Variants in DNAJC6 observed in about 807,000 individuals in gnomAD.
DNAJC6 encodes the protein DnaJ heat shock protein family (Hsp40) member C6.
In DNAJC6, 34 loss-of-function variants were observed where a neutral mutation model predicts 110.0. The ratio of observed to expected loss-of-function variants is 0.31; its 90% confidence interval spans 0.24 to 0.41. The LOEUF (loss-of-function observed/expected upper bound fraction) is 0.41, where lower values mean the gene tolerates loss of function less well. Among genes scored for constraint, DNAJC6 ranks in the 10% least tolerant of loss-of-function variants. The pLI, the probability that DNAJC6 is intolerant of heterozygous loss-of-function variation, is 1.00. For synonymous variants in DNAJC6, 406 were observed against 437.2 expected, an observed-to-expected ratio of 0.93 and a Z score of 0.89; for missense variants, 1,031 against 1,207.8, an observed-to-expected ratio of 0.85 and a Z score of 2.17.
rs1322723176 is a variant in DNAJC6, at chr1:65,405,799, A to T, written c.2228-71A>T. The T allele has an allele frequency of 6.0e-6, 9 of 1,502,864 alleles. No homozygotes were observed. In the African/African-American group the frequency reaches 1.3e-4, roughly 21 times the overall value. The allele number at this position is 1,502,864 out of a possible 1,614,324, so 93.1% of individuals were successfully genotyped here. ...AATGACTATTAAAGCCACTGCAAAC[A>T]GTGTCTTAAGACACAAGAGTTAGAG... On this transcript the variant is annotated intron_variant, in intron 15 of 18. Coordinates refer to ENST00000371069, the MANE Select transcript of DNAJC6 (RefSeq NM_001256864.2).
intron 2 of DNAJC6, 50 bp downstream of exon 2, chr1:65,364,835 G>A (rs1376851738): frequency 1.2e-6 from 2 of 1,600,418 alleles, no homozygotes; most frequent in Non-Finnish European, 1.7e-6. Flanking sequence ...GCTCTCAAAG[G>A]ATCTGGTTAC....
chr1:65,364,903 T>C (rs1006081522), intron 2 of DNAJC6, 118 bp downstream of exon 2: 21 of 1,342,280 alleles, frequency 1.6e-5, no homozygotes, highest in Non-Finnish European at 1.9e-5. Flanking sequence ...TTTTATGGGA[T>C]CTGATGAACT....
At chr1:65,357,336 T>A (rs536131784) in intron 1 of DNAJC6, among the ~76,000 whole-genome samples, 1 of 152,334 alleles carries the variant, frequency 6.6e-6, no homozygotes, top group East Asian at 1.9e-4. Context: ...CACTATGGGA[T>A]ACTAACTCAC....
intron 4 of DNAJC6, among the ~76,000 whole-genome samples, chr1:65,370,876 A>C (rs1645698872): frequency 6.6e-6 from 1 of 152,212 alleles, no homozygotes; most frequent in Admixed American, 6.5e-5. Flanking sequence ...AGGTCGCTAC[A>C]GCTCCCAGTT....
Position 65,389,369 on chromosome 1 carries a change from A to T in DNAJC6, c.1307A>T (p.Glu436Val), listed in dbSNP as rs1482326291. ...DKVIDLTPPW[E>V]HYCTKDVNPS... ...GTAATAGACTTAACTCCACCATGGG[A>T]ACATTACTGCACAAAAGATGTCAAT... is the stretch of plus-strand genomic sequence containing the variant. The change falls in exon 10 of 19, where the codon GAA becomes GTA. Residue 436 changes from glutamate to valine, a missense_variant. Physicochemically the swap from Glu to Val is moderately radical, Grantham distance 121. Transcript: ENST00000371069. The T allele has an allele frequency of 1.2e-6, 2 of 1,614,194 alleles. No individual in the cohort carries two copies. Among genetic ancestry groups the T allele is most frequent in the Non-Finnish European group, 1.7e-6 (2 of 1,180,012 alleles).
At chr1:65,394,858 C>T (rs1440656802) in intron 12 of DNAJC6, 40 bp from the exon 13 acceptor site, 2 of 1,541,674 alleles carry the variant, frequency 1.3e-6, no homozygotes, top group East Asian at 4.8e-5. Flanking sequence ...AGTGAATGAA[C>T]TCATGGGACA....
intron 1 of DNAJC6, chr1:65,298,745 C>T (rs1178416447): frequency 6.6e-6 from 1 of 152,184 alleles, no homozygotes; most frequent in Non-Finnish European, 1.5e-5. Flanking sequence ...ACTTTATGTT[C>T]CAAAATCACT....
chr1:65,275,979 C>G (rs1015553683), intron 1 of DNAJC6, among the ~76,000 whole-genome samples: 3 of 151,016 alleles, frequency 2.0e-5, no homozygotes, highest in African/African-American at 7.3e-5. Flanking sequence ...GCTTTCACCT[C>G]CTGGGTTCAA....
chr1:65,393,925 T>C (rs1249548037), intron 12 of DNAJC6, among the ~76,000 whole-genome samples: 2 of 152,048 alleles, frequency 1.3e-5, no homozygotes, highest in African/African-American at 4.8e-5. Flanking sequence ...TACAGAGTAT[T>C]GGTGTTGAGG....
Position 65,365,886 on chromosome 1 carries a change from T to C in DNAJC6, c.346T>C (p.Tyr116His). The C allele has an allele frequency of 6.2e-7, 1 of 1,612,812 alleles. No homozygotes were observed. Among genetic ancestry groups the C allele is most frequent in the Admixed American group, 1.7e-5 (1 of 59,722 alleles). Reference sequence around the variant, plus strand: ...TGCCCATTTTTGTCTTGCTTTTAGCTACACAAAGGGAGATTTAGACTTCAC... The same window carrying C: ...TGCCCATTTTTGTCTTGCTTTTAGCCACACAAAGGGAGATTTAGACTTCAC... Reference protein sequence around the residue: ...SSRVIQSVTSYTKGDLDFTYV... With the variant: ...SSRVIQSVTSHTKGDLDFTYV... Residue 116 changes from tyrosine (Y) to histidine (H), a missense_variant and splice_region_variant, in exon 3 of 19, where the codon TAC (tyrosine) becomes CAC (histidine). Tyr to His is a moderately conservative substitution (Grantham distance 83). Coordinates refer to ENST00000371069, the MANE Select transcript of DNAJC6 (RefSeq NM_001256864.2).
At chr1:65,356,064 T>G (rs1645540629) in intron 1 of DNAJC6, among the ~76,000 whole-genome samples, 2 of 152,140 alleles carry the variant, frequency 1.3e-5, no homozygotes, top group Admixed American at 1.3e-4. Flanking sequence ...AGATCAGTTC[T>G]GGCTGAACTG....
rs12734187 is a variant in DNAJC6, at chr1:65,389,108, A to G, written c.1194-148A>G. On this transcript the variant is annotated intron_variant, in intron 9 of 18. Coordinates refer to ENST00000371069, the MANE Select transcript of DNAJC6 (RefSeq NM_001256864.2). ...TTAGGAAACTGAAGCTCAGAAAAGT[A>G]AAGTAACTTATCTGGTTATGACTGA... The G allele has an allele frequency of 0.026, 18,236 of 706,370 alleles. 516 individuals are homozygous for G. The highest frequency in any genetic ancestry group is 0.11 in the South Asian group (4,871 of 43,012). 43.8% of individuals were successfully genotyped at this position (706,370 alleles called of 1,614,324 possible).
At position 65,389,581 on chromosome 1, in the gene DNAJC6, C is replaced by A. The variant is rs1003128731; in HGVS notation, c.1422C>A (p.Pro474=). The change falls in exon 11 of 19, where the codon CCC becomes CCA. Residue 474 remains proline (P), a synonymous_variant. Transcript: ENST00000371069. Reference sequence around the variant, plus strand: ...CAATAGATATCCCTCCAGACAACCCCAGGCATTACGGACAAAGTGGTTTCT... The same window carrying A: ...CAATAGATATCCCTCCAGACAACCCAAGGCATTACGGACAAAGTGGTTTCT... ...QAPIDIPPDN[P]RHYGQSGFFA... 1 of 1,614,194 alleles carries A rather than the reference C, an allele frequency of 6.2e-7. No individual in the cohort carries two copies. The highest frequency in any genetic ancestry group is 8.5e-7 in the Non-Finnish European group (1 of 1,180,018).
chr1:65,277,146 GTTTGT>G (rs1653699971), intron 1 of DNAJC6, among the ~76,000 whole-genome samples: 1 of 150,470 alleles, frequency 6.6e-6, no homozygotes, highest in South Asian at 2.1e-4. Context: ...GTTTTTTTTT[GTTTGT>G]TTTAAGTGGA....
chr1:65,329,017 C>T (rs1419259822), intron 1 of DNAJC6, among the ~76,000 whole-genome samples: 4 of 152,174 alleles, frequency 2.6e-5, no homozygotes, highest in African/African-American at 9.6e-5. Flanking sequence ...GCACTTTTCT[C>T]ATTTTATAAT....
intron 1 of DNAJC6, among the ~76,000 whole-genome samples, chr1:65,331,242 G>A (rs1645286371): frequency 6.6e-6 from 1 of 152,202 alleles, no homozygotes; most frequent in Non-Finnish European, 1.5e-5. Context: ...CCAGGTTTAT[G>A]AAGTTCCATT....
Position 65,413,211 on chromosome 1 carries a change from C to T in DNAJC6, c.*186C>T. The T allele has an allele frequency of 5.5e-6, 3 of 543,522 alleles. No individual in the cohort carries two copies. The highest frequency in any genetic ancestry group is 9.7e-6 in the Non-Finnish European group (3 of 310,356). 33.7% of individuals were successfully genotyped at this position (543,522 alleles called of 1,614,324 possible). A position where few individuals can be genotyped will look rare whatever the true frequency, so the allele number is the denominator to read the frequency against. ...ATGTTTGGTTTCTCCAAAGTTCCCA[C>T]CATAAAAGATCCAAAGCATGAGAGG... On this transcript the variant is annotated 3_prime_UTR_variant, in exon 19 of 19. Coordinates refer to ENST00000371069, the MANE Select transcript of DNAJC6 (RefSeq NM_001256864.2).
intron 1 of DNAJC6, among the ~76,000 whole-genome samples, chr1:65,297,272 G>A (rs1644937636): frequency 6.6e-6 from 1 of 152,160 alleles, no homozygotes; most frequent in Admixed American, 6.5e-5. Context: ...GTCCTAGAAT[G>A]CAGAGTCCAT....
At chr1:65,324,842 A>C (rs186864720) in intron 1 of DNAJC6, among the ~76,000 whole-genome samples, 1 of 152,264 alleles carries the variant, frequency 6.6e-6, no homozygotes, top group East Asian at 1.9e-4. Flanking sequence ...GGGTGTTGCC[A>C]AACATGCTAC....
Sources: gnomAD v4.1 joint callset for allele counts (sites outside exome capture counted in the v4.1 genomes callset) on GRCh38, gnomAD v4.1.1 for gene constraint, MANE v1.5 for transcripts, NCBI Gene and HGNC (gene_info 2026-07-23, HGNC 2026-07-21) for gene names.